The following RGS5 variants were observed in gnomAD, a reference collection of about 807,000 sequenced individuals.
RGS5 encodes the protein regulator of G-protein signalling 5.
Under a neutral mutation model 18.9 loss-of-function variants are expected in RGS5, and 20 were observed. The ratio of observed to expected loss-of-function variants is 1.06; its 90% CI spans 0.74 to 1.54. The LOEUF (loss-of-function observed/expected upper bound fraction) is 1.54, where lower values mean the gene tolerates loss of function less well. Among genes scored for constraint, RGS5 ranks in the 40% most tolerant of loss-of-function variants. The pLI is 0.00. For missense variants in RGS5, 201 were observed against 211.8 expected, an observed-to-expected ratio of 0.95 and a Z score of 0.32; for synonymous variants, 57 against 76.2, an observed-to-expected ratio of 0.75 and a Z score of 1.31.
rs1186727923 is a variant in RGS5 at position 163,313,238 on chromosome 1, TA to T, written c.-377-6910del. ...CATGCAGAAAAATAGTTATTTTCTT[TA>T]AAAAAAATTAATCCTCAGGGTAGAA... is the stretch of plus-strand genomic sequence containing the variant. On this transcript the variant is annotated intron_variant, in intron 1 of 5. Coordinates refer to the RGS5 transcript ENST00000618415. Among the ~76,000 whole-genome samples the T allele has an allele frequency of 1.1e-4, 17 of 152,078 alleles. No homozygotes were observed. The East Asian group carries it at 1.2e-3, about 10-fold the overall frequency.
Position 163,217,573 on chromosome 1 carries a change from G to A in RGS5, c.22C>T (p.Gln8Ter), listed in dbSNP as rs1660246008. The change falls in exon 1 of 6, where the codon CAG becomes TAG. Residue 8 changes from glutamine (Q) to a stop codon, truncating the protein, a stop_gained. Transcript: ENST00000367903. LOFTEE classifies it high-confidence loss of function. ...TGCATCTGTAAGATGAGAATATCCT[G>A]TGAAATGTTTCTTGCGCACATTTTT... The A allele has an allele frequency of 6.5e-7, 1 of 1,546,902 alleles. No individual in the cohort carries two copies. The highest frequency in any genetic ancestry group is 8.7e-7 in the Non-Finnish European group (1 of 1,145,984).
chr1:163,150,394 T>C (rs1301723406), intron 4 of RGS5, among the ~76,000 whole-genome samples: 1 of 152,232 alleles, frequency 6.6e-6, no homozygotes, highest in Non-Finnish European at 1.5e-5. Context: ...TGTAGGTATT[T>C]CAGCAAATCT....
At chr1:163,291,277 G>A (rs1426330572) in intron 2 of RGS5, among the ~76,000 whole-genome samples, 4 of 152,040 alleles carry the variant, frequency 2.6e-5, no homozygotes, top group Non-Finnish European at 4.4e-5. Flanking sequence ...TTATGGCGGC[G>A]GGCAGGGGGG....
At chr1:163,247,897 C>CA (rs942245325) in intron 2 of RGS5, among the ~76,000 whole-genome samples, 3 of 152,120 alleles carry the variant, frequency 2.0e-5, no homozygotes, top group African/African-American at 7.2e-5. Flanking sequence ...AATGTTCTTT[C>CA]AATCAATTAA....
In RGS5 at chr1:163,145,540, G is replaced by A. The variant is rs927289986; in HGVS notation, c.*1802C>T. ...ACTTCATGATTGTAGCATTGATCTG[G>A]CCTAGCTCTGGACTGCTTGATGAAG... On this transcript the variant is annotated 3_prime_UTR_variant, in exon 5 of 5. Coordinates refer to ENST00000313961, the MANE Select transcript of RGS5 (RefSeq NM_003617.4). The A allele has an allele frequency of 3.3e-5, 5 of 152,072 alleles. No homozygotes were observed. Among genetic ancestry groups the A allele is most frequent in the African/African-American group, 1.2e-4 (5 of 41,398 alleles). 9.4% of individuals were successfully genotyped at this position (152,072 alleles called of 1,614,324 possible).
exon 1 of RGS5, chr1:163,217,580 G>A: frequency 6.5e-7 from 1 of 1,546,950 alleles, no homozygotes; most frequent in East Asian, 2.5e-5. Flanking sequence ...CCTGTGAAAT[G>A]TTTCTTGCGC....
At chr1:163,159,877 A>G (rs1657733617) in intron 3 of RGS5, among the ~76,000 whole-genome samples, 2 of 152,204 alleles carry the variant, frequency 1.3e-5, no homozygotes, top group Admixed American at 6.5e-5. Context: ...TATTATATAT[A>G]TACACATACA....
intron 1 of RGS5, among the ~76,000 whole-genome samples, chr1:163,209,765 G>A (rs1660056373): frequency 1.3e-5 from 2 of 151,984 alleles, no homozygotes; most frequent in Non-Finnish European, 1.5e-5. Context: ...GGTATTTGAG[G>A]CTTGCTGTCA....
chr1:163,199,034 T>C (rs1659677924), intron 1 of RGS5, among the ~76,000 whole-genome samples: 1 of 152,128 alleles, frequency 6.6e-6, no homozygotes, highest in Non-Finnish European at 1.5e-5. Context: ...TACTTTAAAA[T>C]TTAAACTTGT....
chr1:163,194,269 T>C (rs1448917791), intron 1 of RGS5, among the ~76,000 whole-genome samples: 2 of 152,222 alleles, frequency 1.3e-5, no homozygotes, highest in Non-Finnish European at 2.9e-5. Context: ...CACTGAGATT[T>C]TTAAACATTA....
upstream of RGS5, among the ~76,000 whole-genome samples, chr1:163,204,856 T>C (rs1357195888): frequency 6.6e-6 from 1 of 152,074 alleles, no homozygotes; most frequent in Admixed American, 6.6e-5. Context: ...GAGGAGATAA[T>C]AATATGAAAA....
intron 2 of RGS5, among the ~76,000 whole-genome samples, chr1:163,284,528 T>C (rs1649086484): frequency 6.6e-6 from 1 of 152,192 alleles, no homozygotes; most frequent in Non-Finnish European, 1.5e-5. Context: ...TGAATGCATA[T>C]AAAATTCTTA....
chr1:163,224,851 T>C (rs1378647454), intron 2 of RGS5, among the ~76,000 whole-genome samples: 1 of 152,230 alleles, frequency 6.6e-6, no homozygotes, highest in Non-Finnish European at 1.5e-5. Context: ...TTGAGAAATG[T>C]ATATTCAGAT....
At chr1:163,155,999 G>A (rs1206436682) in intron 3 of RGS5, among the ~76,000 whole-genome samples, 1 of 152,070 alleles carries the variant, frequency 6.6e-6, no homozygotes, top group Non-Finnish European at 1.5e-5. Flanking sequence ...AGAACAAGAT[G>A]AAAACACCTA....
chr1:163,311,966 G>A (rs1423003951), intron 1 of RGS5, among the ~76,000 whole-genome samples: 1 of 152,182 alleles, frequency 6.6e-6, no homozygotes, highest in Non-Finnish European at 1.5e-5. Flanking sequence ...CAAGATATGT[G>A]AAGTGCAATA....
chr1:163,263,121 C>T (rs1232182262), intron 2 of RGS5, among the ~76,000 whole-genome samples: 1 of 152,150 alleles, frequency 6.6e-6, no homozygotes, highest in East Asian at 1.9e-4. Context: ...GCAGTCTGGG[C>T]AGCTGTAACT....
intron 2 of RGS5, among the ~76,000 whole-genome samples, chr1:163,250,624 G>A (rs552342715): frequency 6.6e-6 from 1 of 152,300 alleles, no homozygotes; most frequent in Non-Finnish European, 1.5e-5. Flanking sequence ...GGCCTTCAGA[G>A]AGGAAATGCC....
chr1:163,236,589 T>C (rs868381468), intron 2 of RGS5, among the ~76,000 whole-genome samples: 9 of 152,284 alleles, frequency 5.9e-5, no homozygotes, highest in South Asian at 2.1e-4. Flanking sequence ...TGAATCTATA[T>C]AGAAGATATA....
intron 2 of RGS5, among the ~76,000 whole-genome samples, chr1:163,235,262 T>C (rs1453121982): frequency 6.6e-6 from 1 of 152,194 alleles, no homozygotes; most frequent in African/African-American, 2.4e-5. Flanking sequence ...TTGGATGTAG[T>C]TTCTCAAGCA....
Sources: allele counts gnomAD v4.1 joint callset (sites outside exome capture counted in the v4.1 genomes callset), GRCh38; gene constraint gnomAD v4.1.1; transcripts MANE v1.5; gene names NCBI Gene and HGNC (gene_info 2026-07-23, HGNC 2026-07-21).